Variants in LIPC observed in about 807,000 individuals in gnomAD.
The protein encoded by LIPC is lipase C, hepatic type, also known as hepatic triacylglycerol lipase.
LIPC carries 44 observed loss-of-function variants against 50.7 expected under a neutral mutation model. That is an observed-to-expected ratio of 0.87 (90% confidence interval 0.68 to 1.11). The LOEUF is 1.11. Ranked by LOEUF, LIPC falls within the 50% of genes most tolerant of loss-of-function variation. LIPC has a pLI of 0.00. For missense variants in LIPC, 697 were observed against 648.2 expected (o/e 1.08, Z -0.82); for synonymous variants, 271 against 256.4 (o/e 1.06, Z -0.54).
chr15:58,432,786 C>T (rs945793757), intron 1 of LIPC, among the ~76,000 whole-genome samples: 8 of 152,120 alleles, frequency 5.3e-5, no homozygotes, highest in African/African-American at 1.2e-4. Context: ...CAATAAATGA[C>T]GGATCAGTTA....
At chr15:58,543,729 C>T (rs750003395) in intron 4 of LIPC, among the ~76,000 whole-genome samples, 5 of 152,076 alleles carry the variant, frequency 3.3e-5, no homozygotes, top group East Asian at 1.9e-4. Context: ...CTCTGCCTCC[C>T]GGGTTCAAGC....
rs1891066091 is a variant in LIPC, at chr15:58,478,280, CCAGGCTGG to C, written c.88+46161_88+46168del. Among the ~76,000 whole-genome samples the C allele has an allele frequency of 7.9e-5, 12 of 152,270 alleles. No individual in the cohort carries two copies. In the South Asian group the frequency reaches 2.5e-3, roughly 32 times the overall value. On this transcript the variant is annotated intron_variant, in intron 1 of 8. Coordinates refer to ENST00000299022, the MANE Select transcript of LIPC (RefSeq NM_000236.3). ...TTGGGAGACAGTCACGCTCCATCAC[CCAGGCTGG>C]AATGCAGTGGCATAATCTCGGCTCA...
intron 8 of LIPC, chr15:58,566,133 C>A (rs1190270202): frequency 4.9e-5 from 48 of 977,496 alleles, no homozygotes; most frequent in Non-Finnish European, 5.6e-5. Context: ...TAACAAGCGA[C>A]CAGGCAATGC....
At chr15:58,549,546 A>C (rs1426192239) in intron 6 of LIPC, among the ~76,000 whole-genome samples, 5 of 152,146 alleles carry the variant, frequency 3.3e-5, no homozygotes, top group African/African-American at 1.2e-4. Context: ...GCAAAGCAAA[A>C]CTCGCGTGGG....
intron 1 of LIPC, among the ~76,000 whole-genome samples, chr15:58,446,167 A>G (rs1893688535): frequency 6.6e-6 from 1 of 152,220 alleles, no homozygotes; most frequent in Admixed American, 6.5e-5. Flanking sequence ...AGTTGTGGAC[A>G]TCATGATACT....
intron 1 of LIPC, among the ~76,000 whole-genome samples, chr15:58,471,229 C>G (rs1482395834): frequency 4.0e-5 from 6 of 149,060 alleles, no homozygotes; most frequent in African/African-American, 1.5e-4. Flanking sequence ...CTCTACCTCC[C>G]AGATTCAAGC....
chr15:58,499,901 G>C (rs1165406422), intron 1 of LIPC, among the ~76,000 whole-genome samples: 1 of 152,232 alleles, frequency 6.6e-6, no homozygotes, highest in Non-Finnish European at 1.5e-5. Flanking sequence ...CACAATGCCA[G>C]TGGATGTCAG....
chr15:58,459,249 C>T (rs1056157532), intron 1 of LIPC, among the ~76,000 whole-genome samples: 9 of 152,114 alleles, frequency 5.9e-5, no homozygotes, highest in Non-Finnish European at 1.3e-4. Context: ...TTTGGCTTTT[C>T]CCAGCAAGCA....
At chr15:58,548,631 C>T (rs931624951) in intron 6 of LIPC, 59 bp downstream of exon 6, 3 of 1,550,836 alleles carry the variant, frequency 1.9e-6, no homozygotes, top group Non-Finnish European at 2.6e-6. Flanking sequence ...GTCCAAAGGG[C>T]TCAGAAGTCC....
chr15:58,439,432 G>T (rs1893427299), intron 1 of LIPC, among the ~76,000 whole-genome samples: 1 of 152,104 alleles, frequency 6.6e-6, no homozygotes, highest in South Asian at 2.1e-4. Flanking sequence ...GCACCTAAAA[G>T]GCTGCTTTTT....
At chr15:58,556,477 A>G (rs1893957900) in intron 6 of LIPC, among the ~76,000 whole-genome samples, 1 of 152,206 alleles carries the variant, frequency 6.6e-6, no homozygotes, top group South Asian at 2.1e-4. Context: ...ACTGCAGAAA[A>G]TGTGAAACTT....
At chr15:58,525,145 T>A (rs1210200731) in intron 1 of LIPC, among the ~76,000 whole-genome samples, 1 of 152,174 alleles carries the variant, frequency 6.6e-6, no homozygotes, top group African/African-American at 2.4e-5. Context: ...TTTTTCCAGA[T>A]CTCCCAATAC....
chr15:58,501,008 A>G (rs1891967721), intron 1 of LIPC, among the ~76,000 whole-genome samples: 1 of 151,700 alleles, frequency 6.6e-6, no homozygotes, highest in South Asian at 2.1e-4. Context: ...GCCAATCCAT[A>G]TTTCTCCCAT....
At chr15:58,441,954 T>C (rs1310572489) in intron 1 of LIPC, among the ~76,000 whole-genome samples, 1 of 152,162 alleles carries the variant, frequency 6.6e-6, no homozygotes, top group African/African-American at 2.4e-5. Context: ...TCGGTGGGCA[T>C]TGTCTCTGTT....
At chr15:58,495,417 G>T (rs1452307039) in intron 1 of LIPC, among the ~76,000 whole-genome samples, 28 of 152,160 alleles carry the variant, frequency 1.8e-4, no homozygotes, top group African/African-American at 6.5e-4. Flanking sequence ...CTTTCCTTCT[G>T]AGCACTGGCA....
At chr15:58,559,027 T>C (rs1894060326) in intron 6 of LIPC, among the ~76,000 whole-genome samples, 1 of 152,202 alleles carries the variant, frequency 6.6e-6, no homozygotes. Flanking sequence ...AACTTGGCAA[T>C]ACAGGCATAC....
intron 1 of LIPC, among the ~76,000 whole-genome samples, chr15:58,468,850 C>T (rs997050917): frequency 6.6e-6 from 1 of 152,152 alleles, no homozygotes; most frequent in East Asian, 1.9e-4. Context: ...TTTAACAACC[C>T]AGGTCCAGTA....
At chr15:58,478,893 T>G (rs79126702) in intron 1 of LIPC, among the ~76,000 whole-genome samples, 5,194 of 152,284 alleles carry the variant, frequency 0.034, 119 homozygotes, top group Non-Finnish European at 0.05. Context: ...TAAGGCAACT[T>G]TTACAAACAT....
chr15:58,567,237 A>ATG (rs200390997), intron 8 of LIPC, among the ~76,000 whole-genome samples: 16 of 137,242 alleles, frequency 1.2e-4, no homozygotes, highest in East Asian at 2.1e-4. Flanking sequence ...ATATGTATAT[A>ATG]TGTGTGTGTG....
Sources: gnomAD v4.1 joint callset for allele counts (sites outside exome capture counted in the v4.1 genomes callset) on GRCh38, gnomAD v4.1.1 for gene constraint, MANE v1.5 for transcripts, NCBI Gene and HGNC (gene_info 2026-07-23, HGNC 2026-07-21) for gene names.